Variants in SLC9A9 observed in about 807,000 individuals in gnomAD.
The protein encoded by SLC9A9 is solute carrier family 9 member A9.
In SLC9A9, 62 loss-of-function variants were observed where a neutral mutation model predicts 77.8. That is an observed-to-expected ratio of 0.80 (90% CI 0.65 to 0.98). SLC9A9 has a LOEUF of 0.98. Among genes scored for constraint, SLC9A9 ranks in the 50% least tolerant of loss-of-function variants. The pLI, the probability that SLC9A9 is intolerant of heterozygous loss-of-function variation, is 0.00. For synonymous variants in SLC9A9, 320 were observed against 283.5 expected, an observed-to-expected ratio of 1.13 and a Z score of -1.29; for missense variants, 775 against 774.9, an observed-to-expected ratio of 1.00 and a Z score of 0.00.
rs867452675 is a variant in SLC9A9, at chr3:143,266,765, G to A, written c.1875C>T (p.Asp625=). ...TGAGTTCATAGCCTCCCAGGCCGAG[G>A]TCTCCCTCATAAATGTTTTCCTTGC... ...TPGKENIYEG[D]LGLGGYELKL... Residue 625 remains aspartate, a synonymous_variant, in exon 16 of 16, where the codon GAC becomes GAT. Coordinates refer to ENST00000316549, the MANE Select transcript of SLC9A9 (RefSeq NM_173653.4). The A allele has an allele frequency of 6.8e-6, 11 of 1,614,158 alleles. No individual in the cohort carries two copies. The highest frequency in any genetic ancestry group is 1.6e-4 in the Middle Eastern group (1 of 6,062).
intron 6 of SLC9A9, among the ~76,000 whole-genome samples, chr3:143,620,841 G>T (rs572414751): frequency 6.6e-6 from 1 of 152,300 alleles, no homozygotes; most frequent in South Asian, 2.1e-4. Context: ...GGAAGTACAA[G>T]GGGTCAGGGA....
intron 8 of SLC9A9, among the ~76,000 whole-genome samples, chr3:143,552,921 G>A (rs1379508981): frequency 6.6e-6 from 1 of 152,290 alleles, no homozygotes; most frequent in East Asian, 1.9e-4. Context: ...AGTATTAAAA[G>A]TCATGAGTGA....
intron 12 of SLC9A9, among the ~76,000 whole-genome samples, chr3:143,397,095 G>T (rs1182881723): frequency 6.6e-6 from 1 of 152,184 alleles, no homozygotes; most frequent in Non-Finnish European, 1.5e-5. Context: ...CTAATTTCAG[G>T]CTACGGATAA....
intron 12 of SLC9A9, among the ~76,000 whole-genome samples, chr3:143,456,519 A>G (rs1383439568): frequency 6.6e-6 from 1 of 151,018 alleles, no homozygotes; most frequent in Non-Finnish European, 1.5e-5. Flanking sequence ...CTGGGCTTGT[A>G]GTTTATTTTT....
intron 12 of SLC9A9, among the ~76,000 whole-genome samples, chr3:143,432,875 C>T (rs2034547891): frequency 6.6e-6 from 1 of 152,242 alleles, no homozygotes; most frequent in South Asian, 2.1e-4. Flanking sequence ...ATCCCCCCAC[C>T]TTGGCCTTCC....
At chr3:143,656,273 T>G (rs1002701103) in intron 5 of SLC9A9, among the ~76,000 whole-genome samples, 1 of 152,184 alleles carries the variant, frequency 6.6e-6, no homozygotes, top group Admixed American at 6.5e-5. Context: ...AATATTTTGA[T>G]TTTTTCATCA....
At chr3:143,393,451 G>A (rs2033620135) in intron 12 of SLC9A9, among the ~76,000 whole-genome samples, 1 of 152,204 alleles carries the variant, frequency 6.6e-6, no homozygotes, top group Non-Finnish European at 1.5e-5. Flanking sequence ...ATTCAAAACA[G>A]TGTGTAGAGG....
chr3:143,578,305 G>T (rs1435831158), intron 7 of SLC9A9, among the ~76,000 whole-genome samples: 2 of 152,146 alleles, frequency 1.3e-5, no homozygotes, highest in Non-Finnish European at 2.9e-5. Flanking sequence ...GTTTTCCTAG[G>T]TGATATTTAT....
At chr3:143,711,721 G>C (rs1050341561) in intron 4 of SLC9A9, among the ~76,000 whole-genome samples, 10 of 151,932 alleles carry the variant, frequency 6.6e-5, no homozygotes, top group African/African-American at 2.2e-4. Context: ...CACAGCTCCA[G>C]GCCAAAACGT....
intron 14 of SLC9A9, among the ~76,000 whole-genome samples, chr3:143,327,480 T>A (rs1044107558): frequency 6.6e-6 from 1 of 152,244 alleles, no homozygotes; most frequent in Non-Finnish European, 1.5e-5. Context: ...TTGGCACTGT[T>A]ACTTTTCCAG....
At chr3:143,676,096 G>A (rs754352162) in intron 5 of SLC9A9, among the ~76,000 whole-genome samples, 5 of 152,052 alleles carry the variant, frequency 3.3e-5, no homozygotes, top group South Asian at 2.1e-4. Context: ...TAGATCCCTC[G>A]CATGCGCAGT....
chr3:143,278,518 G>C (rs1559849400), intron 14 of SLC9A9, among the ~76,000 whole-genome samples: 1 of 152,290 alleles, frequency 6.6e-6, no homozygotes, highest in East Asian at 1.9e-4. Flanking sequence ...AGTTCTAGAG[G>C]CTAAATCCAA....
chr3:143,621,956 T>G (rs1054029949), intron 6 of SLC9A9, among the ~76,000 whole-genome samples: 5 of 152,052 alleles, frequency 3.3e-5, no homozygotes, highest in African/African-American at 1.2e-4. Context: ...GCACGAGAAC[T>G]ACATGACAAA....
At chr3:143,302,656 G>A (rs1022532983) in intron 14 of SLC9A9, among the ~76,000 whole-genome samples, 2 of 152,126 alleles carry the variant, frequency 1.3e-5, no homozygotes, top group African/African-American at 4.8e-5. Flanking sequence ...GGAAGATGGC[G>A]AGAGGGAGAG....
Position 143,364,643 on chromosome 3 carries a change from C to T in SLC9A9, c.1525-1080G>A, listed in dbSNP as rs1288915204. Among the ~76,000 whole-genome samples the T allele has an allele frequency of 3.3e-5, 5 of 152,152 alleles. No individual in the cohort carries two copies. The East Asian group carries it at 9.6e-4, about 29-fold the overall frequency. On this transcript the variant is annotated intron_variant, in intron 13 of 15. Coordinates refer to ENST00000316549, the MANE Select transcript of SLC9A9 (RefSeq NM_173653.4). The stretch of plus-strand genomic sequence containing the variant: ...ATAGCTGGACACAAAAGGCTGTGTT[C>T]TACCCATGAAACGTATGTGTACCAG...
At chr3:143,380,748 G>A (rs905656333) in intron 13 of SLC9A9, among the ~76,000 whole-genome samples, 1 of 152,212 alleles carries the variant, frequency 6.6e-6, no homozygotes, top group Non-Finnish European at 1.5e-5. Context: ...AAGTACATGA[G>A]AGCCAGGATC....
intron 5 of SLC9A9, among the ~76,000 whole-genome samples, chr3:143,681,053 A>G (rs766093082): frequency 1.3e-5 from 2 of 152,134 alleles, no homozygotes; most frequent in Non-Finnish European, 2.9e-5. Context: ...ATATTCCACA[A>G]GCTTTCTCCC....
At chr3:143,609,836 C>A (rs1325881975) in intron 6 of SLC9A9, among the ~76,000 whole-genome samples, 1 of 152,146 alleles carries the variant, frequency 6.6e-6, no homozygotes, top group Non-Finnish European at 1.5e-5. Context: ...GCAGTTAATG[C>A]ATTTATTAAA....
chr3:143,268,752 A>AG, intron 15 of SLC9A9, 123 bp downstream of exon 15: 1 of 545,078 alleles, frequency 1.8e-6, no homozygotes, highest in East Asian at 4.1e-5. Flanking sequence ...AAAAAAAAAA[A>AG]AAAAAGCTTC....
Sources: gnomAD v4.1 joint callset for allele counts (sites outside exome capture counted in the v4.1 genomes callset) on GRCh38, gnomAD v4.1.1 for gene constraint, MANE v1.5 for transcripts, NCBI Gene and HGNC (gene_info 2026-07-23, HGNC 2026-07-21) for gene names.